Variants in CYRIB observed in about 807,000 individuals in gnomAD.
CYRIB encodes the protein CYFIP-related Rac1 interactor B.
A neutral mutation model predicts 44.2 loss-of-function variants in CYRIB; 8 were observed. The ratio of observed to expected loss-of-function variants is 0.18; its 90% CI spans 0.11 to 0.33. The LOEUF is 0.33. Ranked by LOEUF, CYRIB falls within the 10% of genes least tolerant of loss-of-function variation. The pLI, the probability that CYRIB is intolerant of heterozygous loss-of-function variation, is 1.00. For missense variants in CYRIB, 185 were observed against 382.8 expected (o/e 0.48, Z 4.31); for synonymous variants, 131 against 127.2 (o/e 1.03, Z -0.20).
intron 1 of CYRIB, among the ~76,000 whole-genome samples, chr8:130,010,456 G>C (rs1413088162): frequency 6.6e-6 from 1 of 152,170 alleles, no homozygotes; most frequent in Non-Finnish European, 1.5e-5. Flanking sequence ...GTTAAAATTA[G>C]AGTACTGGAT....
At chr8:129,852,741 G>A (rs2044011231) in intron 7 of CYRIB, among the ~76,000 whole-genome samples, 1 of 152,168 alleles carries the variant, frequency 6.6e-6, no homozygotes, top group Non-Finnish European at 1.5e-5. Context: ...TTCCAATCTG[G>A]CAGGGGAAAG....
At chr8:129,860,185 C>G (rs1347404679) in intron 5 of CYRIB, among the ~76,000 whole-genome samples, 1 of 152,198 alleles carries the variant, frequency 6.6e-6, no homozygotes, top group Non-Finnish European at 1.5e-5. Flanking sequence ...GGGACACACA[C>G]CACGAGACCG....
At position 129,952,357 on chromosome 8, in the gene CYRIB, G is replaced by A. The variant is rs370281271; in HGVS notation, c.-243+18586C>T. On this transcript the variant is annotated intron_variant, in intron 2 of 14. Transcript: ENST00000401979. ...ATTACAGGCATGAGCCACCACACCCGGCCAAAAATTACATTTATAATTATG... is the reference window on the plus strand; with the variant it reads ...ATTACAGGCATGAGCCACCACACCCAGCCAAAAATTACATTTATAATTATG... Among the ~76,000 whole-genome samples, 4 of 151,966 alleles carry A rather than the reference G, an allele frequency of 2.6e-5. No homozygotes were observed. In the East Asian group the frequency reaches 5.8e-4, roughly 22 times the overall value.
chr8:129,923,057 C>T (rs1339106545), intron 1 of CYRIB, among the ~76,000 whole-genome samples: 5 of 144,314 alleles, frequency 3.5e-5, no homozygotes, highest in South Asian at 2.2e-4. Context: ...GGGGAAACCC[C>T]GTCTCTACTA....
chr8:129,928,747 A>G (rs1261162465), intron 1 of CYRIB, among the ~76,000 whole-genome samples: 1 of 152,170 alleles, frequency 6.6e-6, no homozygotes, highest in East Asian at 1.9e-4. Flanking sequence ...AACTCAAACC[A>G]CAATGTATAC....
intron 1 of CYRIB, among the ~76,000 whole-genome samples, chr8:130,007,550 C>A (rs1043228018): frequency 1.3e-5 from 2 of 152,036 alleles, no homozygotes; most frequent in Admixed American, 1.3e-4. Flanking sequence ...TTTGGGAGGC[C>A]GAGGCAGGTG....
rs79416803 is a variant in CYRIB, at chr8:129,950,965, G to A, written c.-243+19978C>T. Among the ~76,000 whole-genome samples the A allele has an allele frequency of 6.4e-3, 980 of 152,318 alleles. 10 individuals carry two copies. Among genetic ancestry groups the A allele is most frequent in the African/African-American group, 0.022 (933 of 41,568 alleles). ...GGACCTGTTTCCTCACCTCAGAAAT[G>A]AAGGGTTTGCTCTCAATGACTCCCA... is the stretch of plus-strand genomic sequence containing the variant. On this transcript the variant is annotated intron_variant, in intron 2 of 14. Transcript: ENST00000401979.
chr8:129,972,499 C>A (rs1305701844), intron 1 of CYRIB, among the ~76,000 whole-genome samples: 2 of 152,054 alleles, frequency 1.3e-5, no homozygotes, highest in African/African-American at 4.8e-5. Flanking sequence ...ATCACTTGAG[C>A]CCAGGAGGTC....
chr8:129,997,639 C>T (rs752565768), intron 1 of CYRIB, among the ~76,000 whole-genome samples: 9 of 152,272 alleles, frequency 5.9e-5, no homozygotes, highest in South Asian at 2.1e-4. Flanking sequence ...GTGGGAGATA[C>T]GTGCTAAGTT....
chr8:129,962,471 A>T (rs1438593248), intron 2 of CYRIB, among the ~76,000 whole-genome samples: 2 of 152,122 alleles, frequency 1.3e-5, no homozygotes, highest in Non-Finnish European at 2.9e-5. Context: ...AAATTAAAAT[A>T]AAAATAAACG....
rs2078230512 is a variant in CYRIB, at chr8:129,911,870, T to G, written c.-49-8520A>C. ...ATTACTGACCATCTACAATGGGACTTTTCTGATACTTCAACTCAGCTAAGT... is the reference window on the plus strand; with the variant it reads ...ATTACTGACCATCTACAATGGGACTGTTCTGATACTTCAACTCAGCTAAGT... On this transcript the variant is annotated intron_variant, in intron 1 of 11. Transcript: ENST00000519824. 2.6e-5 allele frequency among the ~76,000 whole-genome samples: 4 copies of G among 152,300 alleles called. No individual in the cohort carries two copies. In the South Asian group the frequency reaches 8.3e-4, roughly 32 times the overall value.
At chr8:130,005,662 G>A (rs1049046610) in intron 1 of CYRIB, among the ~76,000 whole-genome samples, 1 of 152,082 alleles carries the variant, frequency 6.6e-6, no homozygotes, top group African/African-American at 2.4e-5. Flanking sequence ...CTCTAGCTGG[G>A]AGATGCTTCC....
exon 1 of CYRIB, chr8:129,939,693 G>A (rs2093464987): frequency 6.6e-6 from 1 of 152,434 alleles, no homozygotes; most frequent in East Asian, 1.9e-4. Context: ...GCGCTAGGGG[G>A]AGCCCCGGGT....
intron 1 of CYRIB, among the ~76,000 whole-genome samples, chr8:129,918,599 ATCT>A (rs1161097364): frequency 1.3e-5 from 2 of 152,180 alleles, no homozygotes; most frequent in African/African-American, 4.8e-5. Context: ...TGAGTTAAAA[ATCT>A]TCTCTGTAGG....
At chr8:130,014,271 C>T (rs980255605) in intron 1 of CYRIB, among the ~76,000 whole-genome samples, 1 of 152,146 alleles carries the variant, frequency 6.6e-6, no homozygotes, top group African/African-American at 2.4e-5. Flanking sequence ...CTCTACAAAA[C>T]ATTAAAAAAT....
At chr8:129,848,174 A>G (rs756821747) in intron 10 of CYRIB, among the ~76,000 whole-genome samples, 1 of 152,204 alleles carries the variant, frequency 6.6e-6, no homozygotes, top group African/African-American at 2.4e-5. Flanking sequence ...ATGACACCTA[A>G]AAGAGTATTT....
At chr8:129,994,387 T>G (rs1333390152) in intron 1 of CYRIB, among the ~76,000 whole-genome samples, 1 of 152,228 alleles carries the variant, frequency 6.6e-6, no homozygotes, top group Non-Finnish European at 1.5e-5. Flanking sequence ...AGATGTCTGT[T>G]GAGTCCCCAG....
intron 1 of CYRIB, among the ~76,000 whole-genome samples, chr8:130,006,821 G>A (rs1364180571): frequency 2.0e-5 from 3 of 150,078 alleles, no homozygotes; most frequent in Non-Finnish European, 4.4e-5. Context: ...TGGGTGGGGG[G>A]ACTTGAAAGC....
chr8:129,955,208 G>C (rs189178273), intron 2 of CYRIB, among the ~76,000 whole-genome samples: 10 of 148,144 alleles, frequency 6.8e-5, no homozygotes, highest in Non-Finnish European at 1.0e-4. Context: ...AGCCAAGATC[G>C]TGCCACTGCA....
Sources: allele counts gnomAD v4.1 joint callset (sites outside exome capture counted in the v4.1 genomes callset), GRCh38; gene constraint gnomAD v4.1.1; transcripts MANE v1.5; gene names NCBI Gene and HGNC (gene_info 2026-07-23, HGNC 2026-07-21).